The following ARHGAP29 variants were observed in gnomAD, a reference collection of about 807,000 sequenced individuals.
ARHGAP29 encodes the protein rho GTPase-activating protein 29.
In ARHGAP29, 43 loss-of-function variants were observed where a neutral mutation model predicts 122.6. The ratio of observed to expected loss-of-function variants is 0.35; its 90% CI spans 0.27 to 0.45. The LOEUF (loss-of-function observed/expected upper bound fraction) is 0.45, where lower values mean the gene tolerates loss of function less well. ARHGAP29 is among the 20% of genes least tolerant of loss of function. ARHGAP29 has a pLI of 1.00. For missense variants in ARHGAP29, 1,303 were observed against 1,477.2 expected, an observed-to-expected ratio of 0.88 and a Z score of 1.93; for synonymous variants, 506 against 497.1, an observed-to-expected ratio of 1.02 and a Z score of -0.24.
Position 94,201,770 on chromosome 1 carries a change from A to G in ARHGAP29, c.1231T>C (p.Leu411=). Residue 411 remains leucine (L), a synonymous_variant, in exon 12 of 23, where the codon TTA becomes CTA. Transcript: ENST00000260526. ...NDLENTKREI[L]AQLRTLVFQC... is the part of the protein sequence containing the mutation. ...AAAACAAGTGTCCGGAGTTGTGCTA[A>G]AATTTCTCTTTTGGTATTTTCTAGA... is the stretch of plus-strand genomic sequence containing the variant. 7 of 1,613,982 alleles carry G rather than the reference A, an allele frequency of 4.3e-6. No homozygotes were observed. Among genetic ancestry groups the G allele is most frequent in the Non-Finnish European group, 5.9e-6 (7 of 1,179,970 alleles).
At chr1:94,223,873 T>C (rs1652467409) in intron 2 of ARHGAP29, among the ~76,000 whole-genome samples, 1 of 151,906 alleles carries the variant, frequency 6.6e-6, no homozygotes, top group Non-Finnish European at 1.5e-5. Flanking sequence ...CACGGTGCAA[T>C]CTCAGCTCAG....
At chr1:94,183,684 AT>A (rs1465127851) in intron 19 of ARHGAP29, among the ~76,000 whole-genome samples, 1 of 152,204 alleles carries the variant, frequency 6.6e-6, no homozygotes, top group Non-Finnish European at 1.5e-5. Context: ...CCAGCCTATG[AT>A]CCAGACACTG....
At chr1:94,262,490 G>T (rs529761453) in intron 1 of ARHGAP29, among the ~76,000 whole-genome samples, 6 of 152,276 alleles carry the variant, frequency 3.9e-5, no homozygotes, top group Non-Finnish European at 7.4e-5. Flanking sequence ...GAAAATGTTT[G>T]CAAGCTATGC....
At position 94,271,327 on chromosome 1, in the gene ARHGAP29, T is replaced by G. The variant is rs532289418; in HGVS notation, c.-33+3685A>C. Reference sequence around the variant, plus strand: ...ATTTTGTAACTAATCTCAGAAGTGATGTCCCATTACCTTTGCTTTGTTCTA... The same window carrying G: ...ATTTTGTAACTAATCTCAGAAGTGAGGTCCCATTACCTTTGCTTTGTTCTA... On this transcript the variant is annotated intron_variant and NMD_transcript_variant, in intron 1 of 25. Transcript: ENST00000552844. Among the ~76,000 whole-genome samples, 9 of 152,350 alleles carry G rather than the reference T, an allele frequency of 5.9e-5. No homozygotes were observed. The South Asian group carries it at 1.7e-3, about 28-fold the overall frequency.
intron 19 of ARHGAP29, among the ~76,000 whole-genome samples, chr1:94,183,271 T>A (rs368388793): frequency 6.6e-6 from 1 of 152,188 alleles, no homozygotes. Context: ...TTGAGGACTA[T>A]CATCACTATT....
rs776739108 is a variant in ARHGAP29, at chr1:94,178,124, A to C, written c.2524T>G (p.Leu842Val). 6.2e-6 allele frequency: 10 copies of C among 1,614,002 alleles called. No individual in the cohort carries two copies. Among genetic ancestry groups the C allele is most frequent in the Non-Finnish European group, 8.5e-6 (10 of 1,179,944 alleles). ...AEENKMNSKNLGVIFGPSLIR... is the reference protein window; with the variant it reads ...AEENKMNSKNVGVIFGPSLIR... ...AGACTTGGTCCAAATATCACCCCCA[A>C]GTTTTTGGAGTTCATCTTGTTTTCT... Residue 842 changes from leucine to valine, a missense_variant, in exon 21 of 23, where the codon TTG becomes GTG. Coordinates refer to ENST00000260526, the MANE Select transcript of ARHGAP29 (RefSeq NM_004815.4).
chr1:94,306,829 T>C, the ARHGAP29 span, among the ~76,000 whole-genome samples: 1 of 152,190 alleles, frequency 6.6e-6, no homozygotes. Flanking sequence ...AAAAGTGCTC[T>C]CCTGTCAAAA....
chr1:94,276,228 A>G (rs900327797), upstream of ARHGAP29, among the ~76,000 whole-genome samples: 3 of 152,046 alleles, frequency 2.0e-5, no homozygotes, highest in Admixed American at 2.0e-4. Context: ...TCTCCACTCC[A>G]ACCTGAGTGA....
In ARHGAP29 at chr1:94,179,774, G is replaced by C; in HGVS notation, c.2431C>G (p.Pro811Ala). ...TGAAGACTGTTAAAATTTGATGCTG[G>C]CAATTGTCTTAGAAGGTCTTTGCTT... ...LKSKDLLRQL[P>A]ASNFNSLHFL... is the part of the protein sequence containing the mutation. The change falls in exon 20 of 23, where the codon CCA (proline) becomes GCA (alanine). Residue 811 changes from proline (P) to alanine (A), a missense_variant. Pro to Ala is a conservative substitution (Grantham distance 27, BLOSUM62 -1). This residue lies in a region of ARHGAP29 where 620 missense variants were observed against 651.2 expected (regional missense o/e 0.95). Coordinates refer to ENST00000260526, the MANE Select transcript of ARHGAP29 (RefSeq NM_004815.4). The C allele has an allele frequency of 6.2e-7, 1 of 1,613,440 alleles. No homozygotes were observed. The highest frequency in any genetic ancestry group is 8.5e-7 in the Non-Finnish European group (1 of 1,179,726).
upstream of ARHGAP29, among the ~76,000 whole-genome samples, chr1:94,275,707 G>A (rs1017402978): frequency 6.6e-6 from 1 of 151,972 alleles, no homozygotes; most frequent in Non-Finnish European, 1.5e-5. Context: ...TATAAGCAAA[G>A]GAAGGAAAAG....
chr1:94,179,333 C>T (rs1046836796), intron 20 of ARHGAP29, among the ~76,000 whole-genome samples: 3 of 152,198 alleles, frequency 2.0e-5, no homozygotes, highest in African/African-American at 2.4e-5. Context: ...CGGTGGCTCA[C>T]GCCTGTAATC....
chr1:94,273,723 A>AT (rs977530152), intron 1 of ARHGAP29, among the ~76,000 whole-genome samples: 45 of 152,114 alleles, frequency 3.0e-4, no homozygotes, highest in East Asian at 2.3e-3. Context: ...CTTGCCTTGG[A>AT]TTTTTTTTAT....
chr1:94,215,727 A>C (rs1234614236), intron 3 of ARHGAP29, among the ~76,000 whole-genome samples: 1 of 152,098 alleles, frequency 6.6e-6, no homozygotes, highest in East Asian at 1.9e-4. Context: ...AATACTCAAA[A>C]CCCAGAAACC....
intron 1 of ARHGAP29, among the ~76,000 whole-genome samples, chr1:94,263,025 A>C (rs893991442): frequency 6.6e-6 from 1 of 152,250 alleles, no homozygotes; most frequent in Non-Finnish European, 1.5e-5. Flanking sequence ...CTGGATAAAG[A>C]AAATGTGGTA....
At chr1:94,212,233 G>A (rs1022507133) in intron 3 of ARHGAP29, among the ~76,000 whole-genome samples, 1 of 152,050 alleles carries the variant, frequency 6.6e-6, no homozygotes, top group African/African-American at 2.4e-5. Flanking sequence ...ACACTAGCCT[G>A]GGTGACAGAG....
At chr1:94,193,119 A>G (rs576069564) in intron 12 of ARHGAP29, 2 of 152,258 alleles carry the variant, frequency 1.3e-5, no homozygotes, top group African/African-American at 2.4e-5. Context: ...TAAAGAAACA[A>G]AAGGAAAATT....
Position 94,205,181 on chromosome 1 carries a change from C to G in ARHGAP29, c.577G>C (p.Glu193Gln). The change falls in exon 7 of 23, where the codon GAA (glutamate) becomes CAA (glutamine). Residue 193 changes from glutamate to glutamine, a missense_variant. Transcript: ENST00000260526. ...TTCTTTAACAGCACGTTGTCTAGTT[C>G]TAAAGGGGAAAAATTTCCTGAAAAC... ...SSEKGNFSPLELDNVLLKNTD... is the reference protein window; with the variant it reads ...SSEKGNFSPLQLDNVLLKNTD... 6.3e-7 allele frequency: 1 copy of G among 1,586,078 alleles called. No individual in the cohort carries two copies. The highest frequency in any genetic ancestry group is 8.5e-7 in the Non-Finnish European group (1 of 1,170,596).
At chr1:94,293,734 A>G in the ARHGAP29 span, among the ~76,000 whole-genome samples, 13 of 152,276 alleles carry the variant, frequency 8.5e-5, no homozygotes, top group African/African-American at 2.6e-4. Flanking sequence ...TGTGCAGGAA[A>G]GGGTGCACAA....
At chr1:94,221,587 CTACA>C (rs1652294244) in intron 2 of ARHGAP29, among the ~76,000 whole-genome samples, 2 of 149,898 alleles carry the variant, frequency 1.3e-5, no homozygotes, top group African/African-American at 2.4e-5. Flanking sequence ...TTCTGTATGA[CTACA>C]TATAGAAATA....
Sources: allele counts gnomAD v4.1 joint callset (sites outside exome capture counted in the v4.1 genomes callset), GRCh38; gene constraint gnomAD v4.1.1; regional missense constraint gnomAD v4.1.1; transcripts MANE v1.5; gene names NCBI Gene and HGNC (gene_info 2026-07-23, HGNC 2026-07-21).